EPHX1: variants seen among roughly 807,000 people sequenced by gnomAD.
EPHX1 encodes the protein epoxide hydratase.
In EPHX1, 40 loss-of-function variants were observed where a neutral mutation model predicts 43.2. That is an observed-to-expected ratio of 0.93 (90% confidence interval 0.72 to 1.21). EPHX1 has a LOEUF of 1.21. Among genes scored for constraint, EPHX1 ranks in the 50% most tolerant of loss-of-function variants. The probability of loss-of-function intolerance (pLI) is 0.00; values close to 1 mark genes in which losing one functional copy is unlikely to be tolerated. For synonymous variants in EPHX1, 221 were observed against 226.7 expected (o/e 0.98, Z 0.22); for missense variants, 550 against 570.4 (o/e 0.96, Z 0.36).
At chr1:225,838,453 G>A (rs1451061951) in intron 3 of EPHX1, among the ~76,000 whole-genome samples, 1 of 152,180 alleles carries the variant, frequency 6.6e-6, no homozygotes, top group East Asian at 1.9e-4. Context: ...AGGTTGTGAA[G>A]GCTGAGTGAG....
At chr1:225,819,395 C>T (rs1666883265) in intron 1 of EPHX1, among the ~76,000 whole-genome samples, 1 of 149,970 alleles carries the variant, frequency 6.7e-6, no homozygotes, top group Admixed American at 6.6e-5. Context: ...AGAGAGACTC[C>T]ATCTAAAAAA....
chr1:225,813,800 G>A (rs1666596783), intron 1 of EPHX1, among the ~76,000 whole-genome samples: 1 of 152,106 alleles, frequency 6.6e-6, no homozygotes, highest in Admixed American at 6.5e-5. Context: ...GGGTGGGTGT[G>A]GTTTAGTGCA....
intron 1 of EPHX1, among the ~76,000 whole-genome samples, chr1:225,812,196 CTG>C (rs1423750503): frequency 6.6e-6 from 1 of 152,198 alleles, no homozygotes; most frequent in African/African-American, 2.4e-5. Flanking sequence ...CTAGCTCAGT[CTG>C]TAAGTGAGGG....
chr1:225,812,866 A>G (rs1006655957), intron 1 of EPHX1, among the ~76,000 whole-genome samples: 1 of 152,194 alleles, frequency 6.6e-6, no homozygotes, highest in African/African-American at 2.4e-5. Flanking sequence ...AGGGGTGCCT[A>G]GGATCTCATA....
rs764223111 is a variant in EPHX1 at position 225,844,571 on chromosome 1, C to T, written c.1114C>T (p.Arg372Cys). The T allele has an allele frequency of 1.2e-5, 19 of 1,614,028 alleles. No individual in the cohort carries two copies. The highest frequency in any genetic ancestry group is 6.7e-5 in the East Asian group (3 of 44,894). ...WTTGTIISSQRFYKENLGQGW... is the reference protein window; with the variant it reads ...WTTGTIISSQCFYKENLGQGW... Reference sequence around the variant, plus strand: ...AACAGGCACCATCATCTCCTCCCAGCGCTTCTACAAGGAGAACCTGGGACA... The same window carrying T: ...AACAGGCACCATCATCTCCTCCCAGTGCTTCTACAAGGAGAACCTGGGACA... Residue 372 changes from arginine (R) to cysteine (C), a missense_variant, in exon 8 of 9, where the codon CGC becomes TGC. Transcript: ENST00000272167.
At chr1:225,844,708 G>T in intron 8 of EPHX1, 85 bp downstream of exon 8, 2 of 1,583,810 alleles carry the variant, frequency 1.3e-6, no homozygotes, top group Non-Finnish European at 1.7e-6. Context: ...AGGGCACTTG[G>T]TGGTGGGATA....
chr1:225,816,860 C>T (rs1386969032), intron 1 of EPHX1, among the ~76,000 whole-genome samples: 7 of 152,208 alleles, frequency 4.6e-5, no homozygotes, highest in Non-Finnish European at 8.8e-5. Context: ...ATCCCAGTGC[C>T]AATCCCAAAT....
At chr1:225,810,687 TA>T (rs1406870426) in intron 1 of EPHX1, 2 of 139,688 alleles carry the variant, frequency 1.4e-5, no homozygotes, top group Non-Finnish European at 1.5e-5. Context: ...CCAAGGGAGA[TA>T]GGGGTGGGGC....
chr1:225,825,161 T>C (rs977529975), intron 1 of EPHX1, among the ~76,000 whole-genome samples: 4 of 152,188 alleles, frequency 2.6e-5, no homozygotes, highest in African/African-American at 9.7e-5. Flanking sequence ...TTCCCTTCTT[T>C]TAGATGGGAC....
chr1:225,839,709 T>C, intron 5 of EPHX1, 120 bp from the exon 6 acceptor site: 1 of 1,129,992 alleles, frequency 8.8e-7, no homozygotes, highest in Non-Finnish European at 1.3e-6. Flanking sequence ...GGGCCAGTGC[T>C]GAAAGAGGCT....
At chr1:225,828,666 G>A in intron 1 of EPHX1, 59 bp from the exon 2 acceptor site, 1 of 1,583,286 alleles carries the variant, frequency 6.3e-7, no homozygotes, top group Non-Finnish European at 8.6e-7. Flanking sequence ...CAGAGTCTCT[G>A]GGCTGTCAGG....
intron 4 of EPHX1, 44 bp downstream of exon 4, chr1:225,838,925 A>C (rs1668133852): frequency 1.9e-6 from 3 of 1,592,300 alleles, no homozygotes; most frequent in Non-Finnish European, 2.6e-6. Context: ...GTCCTCGCCA[A>C]GGGTGGGCCC....
intron 1 of EPHX1, among the ~76,000 whole-genome samples, chr1:225,810,840 A>G (rs1052039820): frequency 2.0e-5 from 3 of 152,058 alleles, no homozygotes; most frequent in Non-Finnish European, 4.4e-5. Context: ...TCACAAGACA[A>G]TGTCATCAGT....
intron 1 of EPHX1, among the ~76,000 whole-genome samples, chr1:225,820,028 T>C (rs1259719355): frequency 6.6e-6 from 1 of 152,136 alleles, no homozygotes; most frequent in Non-Finnish European, 1.5e-5. Context: ...TTCTGAGTAA[T>C]CTCCTGTCTG....
In EPHX1 at chr1:225,832,123, A is replaced by G. The variant is rs983981075; in HGVS notation, c.364+164A>G. 4.3e-5 allele frequency: 32 copies of G among 747,292 alleles called. No homozygotes were observed. The Admixed American group carries it at 6.4e-4, about 15-fold the overall frequency. 46.3% of individuals were successfully genotyped at this position (747,292 alleles called of 1,614,324 possible). On this transcript the variant is annotated intron_variant, in intron 3 of 8. Coordinates refer to ENST00000272167, the MANE Select transcript of EPHX1 (RefSeq NM_001136018.4). Reference sequence around the variant, plus strand: ...ACCTTACTAAATGCAAAAATATTGCAGTCACAACAAATCTGTCCATCTTTA... The same window carrying G: ...ACCTTACTAAATGCAAAAATATTGCGGTCACAACAAATCTGTCCATCTTTA...
intron 3 of EPHX1, 69 bp downstream of exon 3, chr1:225,832,028 T>TG: frequency 6.6e-7 from 1 of 1,523,358 alleles, no homozygotes; most frequent in Non-Finnish European, 9.1e-7. Flanking sequence ...ACAATGTGAC[T>TG]TACAGTCAGA....
chr1:225,839,088 G>A, intron 4 of EPHX1, 129 bp from the exon 5 acceptor site: 1 of 1,487,970 alleles, frequency 6.7e-7, no homozygotes, highest in South Asian at 1.2e-5. Context: ...ATTCCTTCTT[G>A]CCTCTGTGAG....
At chr1:225,835,227 G>GT (rs1359772616) in intron 3 of EPHX1, among the ~76,000 whole-genome samples, 7 of 151,576 alleles carry the variant, frequency 4.6e-5, no homozygotes, top group Non-Finnish European at 8.8e-5. Flanking sequence ...ATGAGACTGG[G>GT]TTTTTTTTAG....
chr1:225,828,558 G>A (rs1667387487), intron 1 of EPHX1, among the ~76,000 whole-genome samples, 167 bp from the exon 2 acceptor site: 1 of 148,298 alleles, frequency 6.7e-6, no homozygotes, highest in Admixed American at 6.8e-5. Flanking sequence ...TATGTATATA[G>A]TGTGTGTATA....
Sources: allele counts gnomAD v4.1 joint callset (sites outside exome capture counted in the v4.1 genomes callset), GRCh38; gene constraint gnomAD v4.1.1; transcripts MANE v1.5; gene names NCBI Gene and HGNC (gene_info 2026-07-23, HGNC 2026-07-21).